PDE4D: variants seen among roughly 807,000 people sequenced by gnomAD.
PDE4D encodes the protein 3',5'-cyclic-AMP phosphodiesterase 4D.
Under a neutral mutation model 87.4 loss-of-function variants are expected in PDE4D, and 24 were observed. The ratio of observed to expected loss-of-function variants is 0.27; its 90% confidence interval spans 0.20 to 0.39. PDE4D has a LOEUF of 0.39. Among genes scored for constraint, PDE4D ranks in the 10% least tolerant of loss-of-function variants. PDE4D has a pLI of 1.00. For missense variants in PDE4D, 714 were observed against 1,041.0 expected, an observed-to-expected ratio of 0.69 and a Z score of 4.32; for synonymous variants, 384 against 383.2, an observed-to-expected ratio of 1.00 and a Z score of -0.02.
At chr5:60,504,708 TG>T (rs1351729537) in intron 1 of PDE4D, among the ~76,000 whole-genome samples, 4 of 152,218 alleles carry the variant, frequency 2.6e-5, no homozygotes, top group Middle Eastern at 3.2e-3. Flanking sequence ...CTTTTTAAAA[TG>T]TATTTGACAT....
At chr5:59,007,832 AT>A (rs140736497) in intron 6 of PDE4D, among the ~76,000 whole-genome samples, 15,346 of 151,602 alleles carry the variant, frequency 0.1, 1,034 homozygotes, top group Non-Finnish European at 0.13. Context: ...TCTTATTTTA[AT>A]TTTTTTTTAA....
At chr5:59,132,401 G>A (rs184038903) in intron 5 of PDE4D, among the ~76,000 whole-genome samples, 21 of 152,158 alleles carry the variant, frequency 1.4e-4, no homozygotes, top group Admixed American at 5.9e-4. Context: ...AGTTATCAGC[G>A]TATGTCATGA....
At chr5:60,332,826 C>T (rs1256874018) in intron 1 of PDE4D, among the ~76,000 whole-genome samples, 3 of 152,168 alleles carry the variant, frequency 2.0e-5, no homozygotes, top group African/African-American at 7.2e-5. Flanking sequence ...GTCAAGGAGA[C>T]ATGATTCATC....
At chr5:59,819,225 C>T (rs1769352668) in intron 1 of PDE4D, among the ~76,000 whole-genome samples, 1 of 152,172 alleles carries the variant, frequency 6.6e-6, no homozygotes. Context: ...ATCTGCCAGA[C>T]TGTAAGTTTC....
intron 5 of PDE4D, among the ~76,000 whole-genome samples, chr5:59,049,426 TAA>T (rs1761203623): frequency 6.6e-6 from 1 of 152,150 alleles, no homozygotes; most frequent in Non-Finnish European, 1.5e-5. Flanking sequence ...TCTCTTTTTT[TAA>T]AAGAGTATTA....
chr5:58,995,318 C>T (rs1157722560), intron 6 of PDE4D, among the ~76,000 whole-genome samples: 1 of 151,948 alleles, frequency 6.6e-6, no homozygotes, highest in African/African-American at 2.4e-5. Context: ...TTTTTTCTAC[C>T]CTTGTATGTG....
At chr5:60,228,736 AC>A (rs1745447376) in intron 1 of PDE4D, among the ~76,000 whole-genome samples, 1 of 152,122 alleles carries the variant, frequency 6.6e-6, no homozygotes, top group African/African-American at 2.4e-5. Context: ...AAAACAAAAA[AC>A]AAAAAAACAA....
chr5:59,562,238 G>A (rs771810649), intron 1 of PDE4D, among the ~76,000 whole-genome samples: 32 of 151,942 alleles, frequency 2.1e-4, no homozygotes, highest in Admixed American at 3.3e-4. Flanking sequence ...GCTCTTAAAC[G>A]TCCTCTACCA....
intron 1 of PDE4D, among the ~76,000 whole-genome samples, chr5:59,470,273 C>T (rs1802246248): frequency 6.6e-6 from 1 of 151,896 alleles, no homozygotes; most frequent in South Asian, 2.1e-4. Flanking sequence ...TTTAATTCTG[C>T]CTCACCAACA....
intron 1 of PDE4D, among the ~76,000 whole-genome samples, chr5:59,702,094 T>A (rs913192131): frequency 6.6e-6 from 1 of 152,098 alleles, no homozygotes; most frequent in Non-Finnish European, 1.5e-5. Context: ...TGGAAACAAT[T>A]TTTGATTAGT....
At chr5:59,292,214 C>CT (rs1768176420) in intron 1 of PDE4D, among the ~76,000 whole-genome samples, 1 of 152,086 alleles carries the variant, frequency 6.6e-6, no homozygotes. Flanking sequence ...AAGTTACTCC[C>CT]TGGCTGACTC....
chr5:59,261,401 T>C (rs985990201), intron 1 of PDE4D, among the ~76,000 whole-genome samples: 6 of 151,846 alleles, frequency 4.0e-5, no homozygotes, highest in African/African-American at 1.4e-4. Context: ...AATGAGTTTA[T>C]TTAGAGAGCT....
At chr5:59,887,343 C>T (rs1418248878) in intron 1 of PDE4D, among the ~76,000 whole-genome samples, 1 of 151,996 alleles carries the variant, frequency 6.6e-6, no homozygotes, top group African/African-American at 2.4e-5. Context: ...GCTTATTCTT[C>T]GGGAAAAATC....
chr5:59,573,405 C>T (rs572049678), intron 1 of PDE4D, among the ~76,000 whole-genome samples: 1 of 152,178 alleles, frequency 6.6e-6, no homozygotes, highest in Non-Finnish European at 1.5e-5. Context: ...TAGTGGTCTT[C>T]CCACCCCTAG....
At chr5:59,585,828 C>A (rs1233846896) in intron 1 of PDE4D, among the ~76,000 whole-genome samples, 5 of 152,296 alleles carry the variant, frequency 3.3e-5, no homozygotes, top group African/African-American at 1.2e-4. Flanking sequence ...AGAAATATTT[C>A]TTGAATAGCT....
intron 1 of PDE4D, among the ~76,000 whole-genome samples, chr5:60,469,140 C>G (rs1027875993): frequency 6.6e-6 from 1 of 152,120 alleles, no homozygotes; most frequent in Non-Finnish European, 1.5e-5. Context: ...CTGTCCTCAC[C>G]AAGCCAATGA....
chr5:59,893,320 G>A lies in PDE4D; in HGVS notation c.303C>T (p.Thr101=), dbSNP rs747642366. The A allele has an allele frequency of 3.3e-6, 5 of 1,520,504 alleles. No individual in the cohort carries two copies. In the South Asian group the frequency reaches 3.7e-5, roughly 11 times the overall value. 94.2% of individuals were successfully genotyped at this position (1,520,504 alleles called of 1,614,324 possible). A position where few individuals can be genotyped will look rare whatever the true frequency, so the allele number is the denominator to read the frequency against. Reference sequence around the variant, plus strand: ...AGTAGCCGCGATGCCGGACGCGGCCGGTGGCCCCGCTCGAGGCGTAGCGGC... The same window carrying A: ...AGTAGCCGCGATGCCGGACGCGGCCAGTGGCCCCGCTCGAGGCGTAGCGGC... The part of the protein sequence containing the change: ...ARGRYASSGA[T]GRVRHRGYSD... The change falls in exon 1 of 15, where the codon ACC becomes ACT. Residue 101 remains threonine (T), a synonymous_variant. Coordinates refer to ENST00000340635, the MANE Select transcript of PDE4D (RefSeq NM_001104631.2).
intron 1 of PDE4D, among the ~76,000 whole-genome samples, chr5:59,467,971 T>C (rs1271221471): frequency 4.0e-5 from 6 of 151,286 alleles, no homozygotes; most frequent in African/African-American, 9.8e-5. Flanking sequence ...GGTTTTTTTT[T>C]CTAATTTAAC....
At chr5:59,235,897 T>A (rs1490193387) in intron 1 of PDE4D, among the ~76,000 whole-genome samples, 1 of 152,224 alleles carries the variant, frequency 6.6e-6, no homozygotes, top group East Asian at 1.9e-4. Context: ...AGAAAACAAC[T>A]ATCTGGTTAA....
Sources: gnomAD v4.1 joint callset for allele counts (sites outside exome capture counted in the v4.1 genomes callset) on GRCh38, gnomAD v4.1.1 for gene constraint, MANE v1.5 for transcripts, NCBI Gene and HGNC (gene_info 2026-07-23, HGNC 2026-07-21) for gene names.